BOD1L1: variants seen among roughly 807,000 people sequenced by gnomAD.
BOD1L1 encodes the protein biorientation of chromosomes in cell division 1 like 1, also known as biorientation of chromosomes in cell division protein 1-like 1.
A neutral mutation model predicts 240.7 loss-of-function variants in BOD1L1; 86 were observed. That is an observed-to-expected ratio of 0.36 (90% CI 0.30 to 0.43). BOD1L1 has a LOEUF of 0.43. Among genes scored for constraint, BOD1L1 ranks in the 20% least tolerant of loss-of-function variants. The pLI is 1.00. For synonymous variants in BOD1L1, 1,268 were observed against 1,272.3 expected (o/e 1.00, Z 0.07); for missense variants, 3,554 against 3,643.5 (o/e 0.98, Z 0.63).
In BOD1L1 at chr4:13,619,994, G is replaced by A. The variant is rs1560219635; in HGVS notation, c.317C>T (p.Pro106Leu). ...TCTTAGCTGGTTCTTATTGAGATGC[G>A]GACTCCATGTGTGAGTTGCCAAGTG... ...ANHLATHTWSPHLNKNQLRNN... is the reference protein window; with the variant it reads ...ANHLATHTWSLHLNKNQLRNN... Residue 106 changes from proline to leucine, a missense_variant, in exon 2 of 26, where the codon CCG (proline) becomes CTG (leucine). This residue lies in a region of BOD1L1 where 161 missense variants were observed against 216.4 expected (regional missense o/e 0.74). Coordinates refer to ENST00000040738, the MANE Select transcript of BOD1L1 (RefSeq NM_148894.3). 4.3e-6 allele frequency: 7 copies of A among 1,612,242 alleles called. No homozygotes were observed. Among genetic ancestry groups the A allele is most frequent in the Middle Eastern group, 1.6e-4 (1 of 6,080 alleles).
At chr4:13,585,520 G>T (rs1270755380) in intron 17 of BOD1L1, among the ~76,000 whole-genome samples, 3 of 151,742 alleles carry the variant, frequency 2.0e-5, no homozygotes, top group Non-Finnish European at 4.4e-5. Flanking sequence ...AACAAGAGAC[G>T]GCAGAACACA....
At chr4:13,589,545 G>A (rs2108911935) in intron 14 of BOD1L1, among the ~76,000 whole-genome samples, 1 of 152,264 alleles carries the variant, frequency 6.6e-6, no homozygotes, top group African/African-American at 2.4e-5. Context: ...TGTAACGTGA[G>A]ACCACATATT....
At chr4:13,609,429 C>T in intron 6 of BOD1L1, 23 bp from the exon 7 acceptor site, 2 of 1,414,286 alleles carry the variant, frequency 1.4e-6, no homozygotes. Flanking sequence ...AATACCCTAA[C>T]AGATTATTAG....
chr4:13,586,886 C>T (rs1032342419), intron 16 of BOD1L1, among the ~76,000 whole-genome samples: 12 of 152,124 alleles, frequency 7.9e-5, no homozygotes, highest in African/African-American at 2.7e-4. Flanking sequence ...ATCTCTTTAT[C>T]TATAAGATGA....
Position 13,591,946 on chromosome 4 carries a change from A to G in BOD1L1, c.8125T>C (p.Leu2709=). The change falls in exon 13 of 26, where the codon TTG becomes CTG. Residue 2709 remains leucine, a synonymous_variant. Coordinates refer to ENST00000040738, the MANE Select transcript of BOD1L1 (RefSeq NM_148894.3). ...SGIAELQREP[L]LVNESLNVEN... is the part of the protein sequence containing the mutation. ...ACATTTAGTGATTCATTCACCAACA[A>G]AGGCTCCCTCTGGAGTTCAGCTGTT... The G allele has an allele frequency of 6.4e-7, 1 of 1,565,150 alleles. No individual in the cohort carries two copies. Among genetic ancestry groups the G allele is most frequent in the Admixed American group, 1.9e-5 (1 of 51,962 alleles).
At position 13,581,062 on chromosome 4, in the gene BOD1L1, A is replaced by T; in HGVS notation, c.8669-8T>A. On this transcript the variant is annotated splice_polypyrimidine_tract_variant and splice_region_variant and intron_variant, in intron 20 of 25. Transcript: ENST00000040738. ...CTGTTTTGGAGTCGTCTTCTAAAAA[A>T]AAAAAATTCACTTAGAAAATCGGTT... 1 of 1,568,032 alleles carries T rather than the reference A, an allele frequency of 6.4e-7. No individual in the cohort carries two copies. Among genetic ancestry groups the T allele is most frequent in the Non-Finnish European group, 8.7e-7 (1 of 1,155,342 alleles).
Position 13,614,443 on chromosome 4 carries a change from C to G in BOD1L1, c.927G>C (p.Gln309His), listed in dbSNP as rs932306808. 1 of 1,610,252 alleles carries G rather than the reference C, an allele frequency of 6.2e-7. No individual in the cohort carries two copies. The highest frequency in any genetic ancestry group is 2.2e-5 in the East Asian group (1 of 44,852). ...ATTTATTTTTTTGCTCACTGCTTTC[C>G]TGTTGAACATCCTTATTTAGCAGAA... ...NLILLNKDVQ[Q>H]ESSEQKNKST... is the part of the protein sequence containing the mutation. The change falls in exon 4 of 26, where the codon CAG becomes CAC. Residue 309 changes from glutamine to histidine, a missense_variant. Physicochemically the swap from Gln to His is conservative, Grantham distance 24. Transcript: ENST00000040738.
chr4:13,608,488 G>C lies in BOD1L1; in HGVS notation c.1742+42C>G, dbSNP rs763920741. On this transcript the variant is annotated intron_variant, in intron 8 of 25. Transcript: ENST00000040738. ...AATTCCTCTCTTCTGAAAGCACCCAGGGGAGTGTTATAAGGGAAACATGAC... is the reference window on the plus strand; with the variant it reads ...AATTCCTCTCTTCTGAAAGCACCCACGGGAGTGTTATAAGGGAAACATGAC... 29 of 1,448,804 alleles carry C rather than the reference G, an allele frequency of 2.0e-5. No individual in the cohort carries two copies. In the South Asian group the frequency reaches 4.4e-4, roughly 22 times the overall value. The allele number at this position is 1,448,804 out of a possible 1,614,324, so 89.7% of individuals were successfully genotyped here.
intron 2 of BOD1L1, among the ~76,000 whole-genome samples, chr4:13,617,802 G>A (rs554180111): frequency 6.6e-6 from 1 of 152,252 alleles, no homozygotes; most frequent in East Asian, 1.9e-4. Flanking sequence ...ATGTCTCAAA[G>A]CATACGTACA....
intron 12 of BOD1L1, chr4:13,592,244 T>C (rs2108918907): frequency 2.9e-6 from 1 of 346,612 alleles, no homozygotes; most frequent in East Asian, 5.1e-5. Context: ...GATTTAACTA[T>C]GTTGGTGATC....
chr4:13,606,604 A>T (rs1373631241), intron 9 of BOD1L1, among the ~76,000 whole-genome samples: 1 of 152,222 alleles, frequency 6.6e-6, no homozygotes, highest in Non-Finnish European at 1.5e-5. Context: ...CTAAAATATA[A>T]GGACATGCTT....
At chr4:13,619,271 T>C (rs977079781) in intron 2 of BOD1L1, among the ~76,000 whole-genome samples, 1 of 142,252 alleles carries the variant, frequency 7.0e-6, no homozygotes, top group African/African-American at 2.6e-5. Context: ...ATTATGCCAC[T>C]GCACTCCTGC....
intron 12 of BOD1L1, among the ~76,000 whole-genome samples, chr4:13,593,947 C>T (rs529994046): frequency 6.6e-6 from 1 of 152,248 alleles, no homozygotes; most frequent in Admixed American, 6.5e-5. Context: ...TTAGGGTGGA[C>T]ACATGTACTT....
rs184203522 is a variant in BOD1L1 at position 13,620,062 on chromosome 4, C to A, written c.249G>T (p.Ala83=). 5.0e-6 allele frequency: 8 copies of A among 1,601,730 alleles called. 1 individual carries two copies. The Middle Eastern group carries it at 5.0e-4, about 99-fold the overall frequency. ...DCLADVDTKP[A]YQNLRQRVDN... is the part of the protein sequence containing the mutation. ...CAACACGCTGTCTCAGATTCTGATA[C>A]GCAGGCTAGAGAGAAAAAAACGAAG... Residue 83 remains alanine (A), a synonymous_variant, in exon 2 of 26, where the codon GCG becomes GCT. Transcript: ENST00000040738.
intron 19 of BOD1L1, 28 bp downstream of exon 19, chr4:13,582,209 A>G: frequency 6.3e-7 from 1 of 1,577,900 alleles, no homozygotes; most frequent in African/African-American, 1.4e-5. Context: ...ATAATTGTGA[A>G]CAAACAAATA....
At chr4:13,612,833 C>A (rs774239238) in intron 5 of BOD1L1, among the ~76,000 whole-genome samples, 5 of 152,116 alleles carry the variant, frequency 3.3e-5, no homozygotes, top group Non-Finnish European at 7.4e-5. Context: ...CTGAGATCAG[C>A]CATATGGGCA....
At chr4:13,609,517 C>T (rs992551039) in intron 6 of BOD1L1, 111 bp from the exon 7 acceptor site, 85 of 651,540 alleles carry the variant, frequency 1.3e-4, no homozygotes, top group Admixed American at 2.0e-4. Context: ...TACAAATTAA[C>T]GGGCTCTGAA....
intron 2 of BOD1L1, among the ~76,000 whole-genome samples, chr4:13,618,088 G>A (rs1278297140): frequency 3.9e-5 from 6 of 152,096 alleles, no homozygotes; most frequent in Non-Finnish European, 8.8e-5. Flanking sequence ...TATCTTACTG[G>A]TACAGCAATA....
At chr4:13,571,633 C>T (rs945537648) in intron 25 of BOD1L1, among the ~76,000 whole-genome samples, 2 of 152,158 alleles carry the variant, frequency 1.3e-5, no homozygotes, top group Non-Finnish European at 2.9e-5. Flanking sequence ...TTCTAGTCCA[C>T]CCAGAATGTG....
Sources: allele counts gnomAD v4.1 joint callset (sites outside exome capture counted in the v4.1 genomes callset), GRCh38; gene constraint gnomAD v4.1.1; regional missense constraint gnomAD v4.1.1; transcripts MANE v1.5; gene names NCBI Gene and HGNC (gene_info 2026-07-23, HGNC 2026-07-21).